Variants in SPHKAP observed in about 807,000 individuals in gnomAD.
SPHKAP encodes A-kinase anchor protein SPHKAP.
In SPHKAP, 67 loss-of-function variants were observed where a neutral mutation model predicts 137.5. The ratio of observed to expected loss-of-function variants is 0.49; its 90% CI spans 0.40 to 0.60. The LOEUF (loss-of-function observed/expected upper bound fraction) is 0.60, where lower values mean the gene tolerates loss of function less well. Ranked by LOEUF, SPHKAP falls within the 20% of genes least tolerant of loss-of-function variation. SPHKAP has a pLI of 0.00. For missense variants in SPHKAP, 2,097 were observed against 2,069.3 expected, an observed-to-expected ratio of 1.01 and a Z score of -0.26; for synonymous variants, 813 against 785.3, an observed-to-expected ratio of 1.04 and a Z score of -0.59.
At chr2:228,037,665 T>C (rs530855686) in intron 3 of SPHKAP, among the ~76,000 whole-genome samples, 32 of 152,268 alleles carry the variant, frequency 2.1e-4, no homozygotes, top group South Asian at 8.3e-4. Flanking sequence ...CCAATGACTC[T>C]CAGTTTGCGG....
At chr2:228,032,931 A>T (rs1559358583) in intron 3 of SPHKAP, among the ~76,000 whole-genome samples, 1 of 152,202 alleles carries the variant, frequency 6.6e-6, no homozygotes, top group Non-Finnish European at 1.5e-5. Flanking sequence ...ACATGCCAAA[A>T]TGTAAAGACC....
chr2:228,158,253 T>G (rs1700168274), intron 1 of SPHKAP, among the ~76,000 whole-genome samples: 1 of 152,144 alleles, frequency 6.6e-6, no homozygotes, highest in Non-Finnish European at 1.5e-5. Context: ...CTTTGCTCTT[T>G]TTAAGACCAG....
At chr2:228,098,918 A>G (rs1250413699) in intron 3 of SPHKAP, among the ~76,000 whole-genome samples, 2 of 151,954 alleles carry the variant, frequency 1.3e-5, no homozygotes, top group Non-Finnish European at 2.9e-5. Flanking sequence ...TTCCTTATAG[A>G]TTCTGAATAT....
chr2:228,057,883 C>A (rs1474484794), intron 3 of SPHKAP, among the ~76,000 whole-genome samples: 1 of 152,068 alleles, frequency 6.6e-6, no homozygotes, highest in African/African-American at 2.4e-5. Context: ...CGGTCGGAAG[C>A]TCTTATTTGG....
chr2:228,118,767 T>TC (rs1698805425), intron 2 of SPHKAP, among the ~76,000 whole-genome samples: 2 of 152,306 alleles, frequency 1.3e-5, no homozygotes, highest in East Asian at 3.9e-4. Context: ...ATGCCATCCA[T>TC]ATTAAGTTTT....
At chr2:228,107,315 A>G (rs933145065) in intron 3 of SPHKAP, among the ~76,000 whole-genome samples, 7 of 151,978 alleles carry the variant, frequency 4.6e-5, no homozygotes, top group African/African-American at 1.7e-4. Flanking sequence ...TTTTAATTCA[A>G]TTTTTCATTT....
chr2:228,168,528 T>C (rs914004004), intron 1 of SPHKAP, among the ~76,000 whole-genome samples: 4 of 152,194 alleles, frequency 2.6e-5, no homozygotes, highest in Admixed American at 2.6e-4. Flanking sequence ...ACTATTGTGA[T>C]TATTTTGGGG....
At chr2:227,982,298 A>C in intron 11 of SPHKAP, 2 of 985,378 alleles carry the variant, frequency 2.0e-6, no homozygotes, top group Non-Finnish European at 2.4e-6. Context: ...TCAAGTGGTA[A>C]ACTTTGATGC....
At chr2:228,020,619 T>C (rs755329261) in intron 6 of SPHKAP, among the ~76,000 whole-genome samples, 2 of 151,988 alleles carry the variant, frequency 1.3e-5, no homozygotes, top group African/African-American at 4.8e-5. Context: ...CTAATGTAAA[T>C]GACAAGTTAA....
At chr2:228,032,430 G>T (rs1474156851) in intron 3 of SPHKAP, among the ~76,000 whole-genome samples, 1 of 152,186 alleles carries the variant, frequency 6.6e-6, no homozygotes, top group Admixed American at 6.5e-5. Context: ...CTGACGGGGA[G>T]AATGGAACCA....
At chr2:228,010,010 T>A (rs1035647682) in intron 7 of SPHKAP, among the ~76,000 whole-genome samples, 1 of 152,192 alleles carries the variant, frequency 6.6e-6, no homozygotes, top group African/African-American at 2.4e-5. Context: ...TGCAGATTCC[T>A]CTTCTTTCTC....
At chr2:228,073,789 G>C (rs1264960111) in intron 3 of SPHKAP, among the ~76,000 whole-genome samples, 8 of 152,206 alleles carry the variant, frequency 5.3e-5, no homozygotes, top group African/African-American at 1.9e-4. Flanking sequence ...CACATGGACT[G>C]AGGGTTTACA....
Position 228,163,852 on chromosome 2 carries a change from G to A in SPHKAP, c.32+17715C>T, listed in dbSNP as rs1700346104. On this transcript the variant is annotated intron_variant, in intron 1 of 11. Coordinates refer to ENST00000392056, the MANE Select transcript of SPHKAP (RefSeq NM_001142644.2). ...TGAATAATCCTATTCTGGTGATCCT[G>A]TAATATTAGCTCTCCCCAGGAATGC... Among the ~76,000 whole-genome samples the A allele has an allele frequency of 3.9e-5, 6 of 152,074 alleles. No homozygotes were observed. In the South Asian group the frequency reaches 1.2e-3, roughly 32 times the overall value.
At chr2:228,114,196 G>C (rs1000826339) in intron 2 of SPHKAP, among the ~76,000 whole-genome samples, 1 of 152,078 alleles carries the variant, frequency 6.6e-6, no homozygotes, top group Non-Finnish European at 1.5e-5. Context: ...TCACAAATTT[G>C]AAATAATAAT....
intron 7 of SPHKAP, among the ~76,000 whole-genome samples, chr2:228,010,052 C>A (rs1694307849): frequency 6.6e-6 from 1 of 152,158 alleles, no homozygotes; most frequent in African/African-American, 2.4e-5. Flanking sequence ...TGTCTCCTCA[C>A]CTCATTGTGC....
chr2:228,009,966 C>T (rs905771162), intron 7 of SPHKAP, among the ~76,000 whole-genome samples: 1 of 152,178 alleles, frequency 6.6e-6, no homozygotes, highest in African/African-American at 2.4e-5. Flanking sequence ...AGATTCATGC[C>T]TCAGTGTCCA....
rs1369240758 is a variant in SPHKAP at position 228,036,474 on chromosome 2, T to G, written c.247-8931A>C. 2.6e-5 allele frequency among the ~76,000 whole-genome samples: 4 copies of G among 152,302 alleles called. No individual in the cohort carries two copies. The East Asian group carries it at 7.7e-4, about 29-fold the overall frequency. On this transcript the variant is annotated intron_variant, in intron 3 of 11. Transcript: ENST00000392056. ...TTCAACCATTGTGGAAGACAGTGTG[T>G]CCATTCCTCAGGGATCTAGAACTAG...
At chr2:228,041,003 G>A (rs1192809201) in intron 3 of SPHKAP, among the ~76,000 whole-genome samples, 1 of 152,078 alleles carries the variant, frequency 6.6e-6, no homozygotes, top group African/African-American at 2.4e-5. Flanking sequence ...AGAAAAATGT[G>A]TTTCTACATT....
intron 11 of SPHKAP, 200 bp downstream of exon 11, chr2:227,990,800 A>G (rs1693384047): frequency 1.7e-6 from 1 of 576,776 alleles, no homozygotes; most frequent in South Asian, 2.7e-5. Context: ...ACTAGCCAAG[A>G]CAAAGTAAGG....
Sources: gnomAD v4.1 joint callset for allele counts (sites outside exome capture counted in the v4.1 genomes callset) on GRCh38, gnomAD v4.1.1 for gene constraint, MANE v1.5 for transcripts, NCBI Gene and HGNC (gene_info 2026-07-23, HGNC 2026-07-21) for gene names.